SULF2: variants seen among roughly 807,000 people sequenced by gnomAD.
SULF2 encodes extracellular sulfatase Sulf-2.
In SULF2, 52 loss-of-function variants were observed where a neutral mutation model predicts 107.7. The observed-to-expected ratio is 0.48, with a 90% confidence interval of 0.39 to 0.61. SULF2 has a LOEUF of 0.61. SULF2 is among the 20% of genes least tolerant of loss of function. SULF2 has a pLI of 0.00. For synonymous variants in SULF2, 460 were observed against 464.3 expected, an observed-to-expected ratio of 0.99 and a Z score of 0.12; for missense variants, 993 against 1,177.3, an observed-to-expected ratio of 0.84 and a Z score of 2.29.
At chr20:47,778,325 T>TAC (rs1232407493) in intron 1 of SULF2, among the ~76,000 whole-genome samples, 2 of 152,220 alleles carry the variant, frequency 1.3e-5, no homozygotes, top group Non-Finnish European at 2.9e-5. Flanking sequence ...TCCACCAACT[T>TAC]ACACACACAA....
chr20:47,744,629 C>T (rs2089964790), intron 2 of SULF2, among the ~76,000 whole-genome samples: 1 of 152,084 alleles, frequency 6.6e-6, no homozygotes, highest in Non-Finnish European at 1.5e-5. Context: ...GTCTTGAACT[C>T]CAGGGCTCAA....
At chr20:47,693,332 C>G (rs1004649299) in intron 4 of SULF2, among the ~76,000 whole-genome samples, 17 of 152,152 alleles carry the variant, frequency 1.1e-4, no homozygotes, top group African/African-American at 4.1e-4. Context: ...GATGGAACCG[C>G]CAGTGGTGGA....
chr20:47,737,762 T>G (rs966454139), intron 2 of SULF2, among the ~76,000 whole-genome samples: 5 of 133,042 alleles, frequency 3.8e-5, no homozygotes, highest in Admixed American at 2.9e-4. Flanking sequence ...TTTGTTTTTT[T>G]TTTTTTTTTT....
At chr20:47,766,004 T>G (rs146411372) in intron 1 of SULF2, among the ~76,000 whole-genome samples, 1 of 152,118 alleles carries the variant, frequency 6.6e-6, no homozygotes, top group Non-Finnish European at 1.5e-5. Flanking sequence ...TCCAAAGGAT[T>G]TGGATGGCCA....
chr20:47,708,182 G>A (rs1286501414), intron 3 of SULF2, among the ~76,000 whole-genome samples: 3 of 152,200 alleles, frequency 2.0e-5, no homozygotes, highest in Admixed American at 6.5e-5. Context: ...TGACAAATGC[G>A]ATGAAGAAAA....
chr20:47,693,919 T>C (rs748463582), intron 4 of SULF2, among the ~76,000 whole-genome samples: 1 of 152,120 alleles, frequency 6.6e-6, no homozygotes, highest in Non-Finnish European at 1.5e-5. Flanking sequence ...CATAGTGTCC[T>C]GTGCACAGCC....
chr20:47,726,525 A>C (rs2089448511), intron 3 of SULF2, among the ~76,000 whole-genome samples: 1 of 152,178 alleles, frequency 6.6e-6, no homozygotes, highest in African/African-American at 2.4e-5. Flanking sequence ...CCTGCTGTCC[A>C]AGAGTCCTTT....
At chr20:47,771,328 G>A (rs748315351) in intron 1 of SULF2, among the ~76,000 whole-genome samples, 29 of 152,140 alleles carry the variant, frequency 1.9e-4, no homozygotes, top group Non-Finnish European at 3.2e-4. Context: ...TGAAGGGCTC[G>A]TACCAGGAGC....
At position 47,731,090 on chromosome 20, in the gene SULF2, T is replaced by G. The variant is rs116798067; in HGVS notation, c.415+5613A>C. Among the ~76,000 whole-genome samples, 1,070 of 151,404 alleles carry G rather than the reference T, an allele frequency of 7.1e-3. 13 individuals carry two copies. Among genetic ancestry groups the G allele is most frequent in the African/African-American group, 0.024 (976 of 41,236 alleles). ...ACAAGGAGGCACACAGCTGCTGGAG[T>G]GCCAGCCACCATGTCCAGACCTCCA... On this transcript the variant is annotated intron_variant, in intron 3 of 20. Transcript: ENST00000688720.
At chr20:47,752,481 G>T (rs114573711) in intron 2 of SULF2, among the ~76,000 whole-genome samples, 3,028 of 151,552 alleles carry the variant, frequency 0.02, 99 homozygotes, top group African/African-American at 0.07. Flanking sequence ...TGCAATTCCA[G>T]CACTTTGGGA....
At chr20:47,703,546 C>T (rs1037648378) in intron 3 of SULF2, among the ~76,000 whole-genome samples, 1 of 152,170 alleles carries the variant, frequency 6.6e-6, no homozygotes, top group South Asian at 2.1e-4. Flanking sequence ...ACAACTTGAG[C>T]CCTCACACAC....
At chr20:47,780,584 C>T (rs554473332) in intron 1 of SULF2, among the ~76,000 whole-genome samples, 76 of 151,706 alleles carry the variant, frequency 5.0e-4, no homozygotes, top group African/African-American at 1.6e-3. Context: ...GACTGAGTCT[C>T]ACTTTGTTGC....
intron 2 of SULF2, among the ~76,000 whole-genome samples, chr20:47,754,588 A>G: frequency 6.6e-6 from 1 of 152,200 alleles, no homozygotes; most frequent in Non-Finnish European, 1.5e-5. Context: ...GCTATTGGGC[A>G]AGAGCTGACA....
rs2146482689 is a variant in SULF2 at position 47,678,811 on chromosome 20, G to A, written c.1065-7C>T. The A allele has an allele frequency of 1.2e-6, 2 of 1,612,710 alleles. No individual in the cohort carries two copies. The highest frequency in any genetic ancestry group is 1.1e-5 in the South Asian group (1 of 91,018). ...GAGGACGATGTGGGGATTCCTGGGG[G>A]AGGCAGGAGATCGGGGACTCAGTCA... On this transcript the variant is annotated splice_region_variant and splice_polypyrimidine_tract_variant and intron_variant, in intron 7 of 20. Transcript: ENST00000688720. The surrounding 1 kb of genome is among the most constrained non-coding windows in gnomAD (Gnocchi z 4.5).
At chr20:47,747,086 G>C (rs1236258890) in intron 2 of SULF2, among the ~76,000 whole-genome samples, 2 of 150,958 alleles carry the variant, frequency 1.3e-5, no homozygotes, top group Non-Finnish European at 2.9e-5. Flanking sequence ...CACTGCTGCT[G>C]GTGGCAACTC....
intron 1 of SULF2, among the ~76,000 whole-genome samples, chr20:47,761,524 G>A (rs1029314811): frequency 2.0e-5 from 3 of 152,218 alleles, no homozygotes; most frequent in African/African-American, 7.2e-5. Context: ...TCGCTTCCCT[G>A]TAGAGCTAAT....
intron 19 of SULF2, 39 bp from the exon 20 acceptor site, chr20:47,659,491 A>G (rs1427175641): frequency 1.9e-6 from 3 of 1,606,836 alleles, no homozygotes; most frequent in African/African-American, 1.3e-5. Flanking sequence ...AATGTTAACC[A>G]TCACCAAGAA....
intron 20 of SULF2, 136 bp downstream of exon 20, chr20:47,659,263 T>G: frequency 1.4e-6 from 1 of 736,404 alleles, no homozygotes; most frequent in Non-Finnish European, 2.3e-6. Flanking sequence ...AGATGTGCAT[T>G]AGTACTTCCC....
chr20:47,739,040 A>AG (rs2089814659), intron 2 of SULF2, among the ~76,000 whole-genome samples: 1 of 152,144 alleles, frequency 6.6e-6, no homozygotes, highest in Non-Finnish European at 1.5e-5. Flanking sequence ...CCAAGGAACA[A>AG]GGAACTCCTA....
Sources: allele counts gnomAD v4.1 joint callset (sites outside exome capture counted in the v4.1 genomes callset), GRCh38; gene constraint gnomAD v4.1.1; non-coding constraint Gnocchi (gnomAD v3.1); transcripts MANE v1.5; gene names NCBI Gene and HGNC (gene_info 2026-07-23, HGNC 2026-07-21).